AAK1: variants seen among roughly 807,000 people sequenced by gnomAD.
The protein encoded by AAK1 is AP2-associated protein kinase 1.
A neutral mutation model predicts 116.0 loss-of-function variants in AAK1; 37 were observed. The observed-to-expected ratio is 0.32, with a 90% CI of 0.25 to 0.42. The LOEUF is 0.42. Among genes scored for constraint, AAK1 ranks in the 10% least tolerant of loss-of-function variants. The pLI is 1.00. For synonymous variants in AAK1, 458 were observed against 439.9 expected, an observed-to-expected ratio of 1.04 and a Z score of -0.51; for missense variants, 919 against 1,170.6, an observed-to-expected ratio of 0.79 and a Z score of 3.14.
Position 69,532,080 on chromosome 2 carries a change from T to G in AAK1, c.617A>C (p.Gln206Pro). 2 of 1,613,670 alleles carry G rather than the reference T, an allele frequency of 1.2e-6. No individual in the cohort carries two copies. Among genetic ancestry groups the G allele is most frequent in the Non-Finnish European group, 1.7e-6 (2 of 1,179,636 alleles). Residue 206 changes from glutamine (Q) to proline (P), a missense_variant, in exon 6 of 22, where the codon CAA (glutamine) becomes CCA (proline). Physicochemically the swap from Gln to Pro is moderately conservative, Grantham distance 76 (BLOSUM62 -1). Transcript: ENST00000409085. ...GSATNKFQNP[Q>P]TEGVNAVEDE... ...TTCTACTGCATTGACTCCCTCAGTT[T>G]GTGGATTCTGGAATTTGTTGGTGGC...
chr2:69,587,101 T>A (rs1018392284), intron 2 of AAK1, among the ~76,000 whole-genome samples: 6 of 151,796 alleles, frequency 4.0e-5, no homozygotes, highest in African/African-American at 7.3e-5. Flanking sequence ...TTTTTTTTTT[T>A]AAAGACAGGG....
intron 5 of AAK1, 86 bp from the exon 6 acceptor site, chr2:69,532,248 GT>G: frequency 6.7e-7 from 1 of 1,498,132 alleles, no homozygotes; most frequent in Non-Finnish European, 9.2e-7. Flanking sequence ...ATAAATAAAC[GT>G]TTTATTTCTG....
rs1027057161 is a variant in AAK1 at position 69,473,350 on chromosome 2, G to C, written c.*2519C>G. On this transcript the variant is annotated 3_prime_UTR_variant, in exon 22 of 22. Transcript: ENST00000409085. The stretch of plus-strand genomic sequence containing the variant: ...GATTCCACAGGTACCAGGACACTAT[G>C]CTCAACTCAAATAAACTCTTTCAGC... The C allele has an allele frequency of 1.0e-6, 1 of 985,474 alleles. No homozygotes were observed. The highest frequency in any genetic ancestry group is 4.7e-5 in the South Asian group (1 of 21,290). The allele number at this position is 985,474 out of a possible 1,614,324, so 61.0% of individuals were successfully genotyped here.
intron 2 of AAK1, chr2:69,597,409 G>T: frequency 6.3e-6 from 1 of 158,696 alleles, no homozygotes; most frequent in East Asian, 1.7e-4. Flanking sequence ...CCTCACATGG[G>T]GTCTCCTGTT....
At chr2:69,584,809 G>C (rs966658552) in intron 2 of AAK1, among the ~76,000 whole-genome samples, 1 of 152,096 alleles carries the variant, frequency 6.6e-6, no homozygotes, top group East Asian at 1.9e-4. Context: ...CAGAGACCTC[G>C]ATTACTCACC....
intron 6 of AAK1, 29 bp downstream of exon 6, chr2:69,532,011 CA>C: frequency 6.2e-7 from 1 of 1,610,870 alleles, no homozygotes; most frequent in Non-Finnish European, 8.5e-7. Context: ...TGATTGTGGA[CA>C]AAACTCCATG....
intron 2 of AAK1, among the ~76,000 whole-genome samples, chr2:69,582,565 C>A (rs1672592929): frequency 6.6e-6 from 1 of 152,166 alleles, no homozygotes; most frequent in African/African-American, 2.4e-5. Flanking sequence ...CCTAAAAAGA[C>A]CTGCTACTGG....
intron 2 of AAK1, among the ~76,000 whole-genome samples, chr2:69,592,872 G>A (rs1012910547): frequency 2.0e-5 from 3 of 152,078 alleles, no homozygotes; most frequent in East Asian, 3.9e-4. Context: ...GTGTCTTAAG[G>A]CTCATCATGC....
chr2:69,528,713 G>A (rs565865682), intron 8 of AAK1, among the ~76,000 whole-genome samples: 51 of 152,248 alleles, frequency 3.3e-4, no homozygotes, highest in African/African-American at 1.1e-3. Context: ...GTGCGTTTAG[G>A]GTGATAGTGG....
chr2:69,569,607 A>C (rs1672014326), intron 2 of AAK1, among the ~76,000 whole-genome samples: 1 of 152,084 alleles, frequency 6.6e-6, no homozygotes, highest in African/African-American at 2.4e-5. Context: ...AAATCTTTCC[A>C]TCTCACACAA....
intron 10 of AAK1, among the ~76,000 whole-genome samples, chr2:69,524,695 A>G (rs1272638439): frequency 6.6e-6 from 1 of 152,158 alleles, no homozygotes. Flanking sequence ...GGCCTCCCAA[A>G]GTGCTGGGAT....
intron 16 of AAK1, among the ~76,000 whole-genome samples, 180 bp from the exon 17 acceptor site, chr2:69,496,260 C>T (rs934834111): frequency 6.6e-6 from 1 of 150,458 alleles, no homozygotes; most frequent in African/African-American, 2.4e-5. Flanking sequence ...CTATGAGATA[C>T]TCAATCTGGC....
intron 10 of AAK1, among the ~76,000 whole-genome samples, chr2:69,524,218 A>G (rs987007993): frequency 6.6e-6 from 1 of 152,136 alleles, no homozygotes; most frequent in Non-Finnish European, 1.5e-5. Context: ...GCTAACCAAA[A>G]GTCAGGACAC....
chr2:69,541,899 T>C (rs1257727734), intron 5 of AAK1, among the ~76,000 whole-genome samples: 10 of 152,232 alleles, frequency 6.6e-5, no homozygotes, highest in Admixed American at 6.5e-4. Context: ...TTCCTAGTTA[T>C]ATGACTTTAG....
At chr2:69,518,839 T>G in intron 12 of AAK1, 115 bp downstream of exon 12, 118 of 1,401,404 alleles carry the variant, frequency 8.4e-5, no homozygotes, top group Non-Finnish European at 9.9e-5. Context: ...TCTACATCTA[T>G]GAGAAACAGT....
intron 2 of AAK1, among the ~76,000 whole-genome samples, chr2:69,567,660 TA>T (rs1418849582): frequency 6.6e-6 from 1 of 152,016 alleles, no homozygotes; most frequent in African/African-American, 2.4e-5. Context: ...AGAAGGGACA[TA>T]TATTAAGAGA....
Position 69,599,326 on chromosome 2 carries a change from T to G in AAK1, c.164-42348A>C, listed in dbSNP as rs566054572. On this transcript the variant is annotated intron_variant, in intron 2 of 21. Transcript: ENST00000409085. ...TTTACTGAACAATCTAGTCACTTAA[T>G]TTTGTGTATAACTTATGTGGATTAC... Among the ~76,000 whole-genome samples, 6 of 151,942 alleles carry G rather than the reference T, an allele frequency of 3.9e-5. No individual in the cohort carries two copies. In the South Asian group the frequency reaches 1.0e-3, roughly 26 times the overall value.
intron 2 of AAK1, among the ~76,000 whole-genome samples, chr2:69,557,192 T>C (rs1046042148): frequency 5.9e-5 from 9 of 152,188 alleles, no homozygotes; most frequent in Admixed American, 1.3e-4. Context: ...AGAGAAATTG[T>C]TCCCAAACAC....
intron 2 of AAK1, chr2:69,597,216 T>C (rs1474514664): frequency 6.6e-6 from 1 of 152,188 alleles, no homozygotes; most frequent in Non-Finnish European, 1.5e-5. Context: ...GGTGGCATTA[T>C]TTTTGAAAAC....
Sources: gnomAD v4.1 joint callset for allele counts (sites outside exome capture counted in the v4.1 genomes callset) on GRCh38, gnomAD v4.1.1 for gene constraint, MANE v1.5 for transcripts, NCBI Gene and HGNC (gene_info 2026-07-23, HGNC 2026-07-21) for gene names.